MYOM2: variants seen among roughly 807,000 people sequenced by gnomAD.
MYOM2 encodes myomesin-2.
In MYOM2, 254 loss-of-function variants were observed where a neutral mutation model predicts 187.6. That is an observed-to-expected ratio of 1.35 (90% CI 1.22 to 1.50). The LOEUF (loss-of-function observed/expected upper bound fraction) is 1.50, where lower values mean the gene tolerates loss of function less well. Among genes scored for constraint, MYOM2 ranks in the 40% most tolerant of loss-of-function variants. MYOM2 has a pLI of 0.00. For synonymous variants in MYOM2, 981 were observed against 753.8 expected (o/e 1.30, Z -4.94); for missense variants, 2,796 against 1,924.0 (o/e 1.45, Z -8.48).
chr8:2,080,643 A>G (rs1819588799), intron 13 of MYOM2, among the ~76,000 whole-genome samples: 1 of 152,212 alleles, frequency 6.6e-6, no homozygotes, highest in Admixed American at 6.5e-5. Flanking sequence ...TCTCCTGGGC[A>G]TCTGGCTTTT....
chr8:2,119,918 C>A (rs1410405548), intron 28 of MYOM2, among the ~76,000 whole-genome samples: 1 of 151,954 alleles, frequency 6.6e-6, no homozygotes, highest in Non-Finnish European at 1.5e-5. Context: ...GAGCAAGCGG[C>A]AGATCCATCA....
intron 32 of MYOM2, among the ~76,000 whole-genome samples, chr8:2,136,197 G>A (rs116666909): frequency 0.13 from 19,817 of 152,194 alleles, 2,184 homozygotes; most frequent in African/African-American, 0.28. Context: ...GGTTGAAGGT[G>A]GCTGCTGATC....
intron 8 of MYOM2, 80 bp downstream of exon 8, chr8:2,069,577 G>C (rs1467070459): frequency 6.4e-7 from 1 of 1,551,170 alleles, no homozygotes; most frequent in African/African-American, 1.4e-5. Flanking sequence ...GGTTTCCTAA[G>C]GGCCAAATCT....
rs1206576860 is a variant in MYOM2 at position 2,145,000 on chromosome 8, G to T, written c.*19G>T. On this transcript the variant is annotated 3_prime_UTR_variant, in exon 37 of 37. Coordinates refer to ENST00000262113, the MANE Select transcript of MYOM2 (RefSeq NM_003970.4). ...CCAGTGAAGGCGTTTTCCTAGCCTG[G>T]AGATGGGAAAATATGCTTGGCAGAG... The T allele has an allele frequency of 6.2e-7, 1 of 1,609,746 alleles. No individual in the cohort carries two copies.
intron 32 of MYOM2, among the ~76,000 whole-genome samples, chr8:2,140,276 A>G (rs1159297678): frequency 1.3e-5 from 2 of 152,002 alleles, no homozygotes; most frequent in Admixed American, 6.5e-5. Flanking sequence ...TGATCCATTC[A>G]TCACCAATGG....
chr8:2,106,319 G>A lies in MYOM2; in HGVS notation c.2812G>A (p.Ala938Thr), dbSNP rs61733861. The A allele has an allele frequency of 2.1e-4, 338 of 1,614,144 alleles. No individual in the cohort carries two copies. In the African/African-American group the frequency reaches 2.9e-3, roughly 14 times the overall value. The change falls in exon 22 of 37, where the codon GCG becomes ACG. Residue 938 changes from alanine (A) to threonine (T), a missense_variant. Ala to Thr is a moderately conservative substitution (Grantham distance 58, BLOSUM62 0). Transcript: ENST00000262113. ...CTTCGACTGCCAGGAAATGACAGAC[G>A]CGTCTCAGTTCACCTGGTGTAAATC... ...LGFDCQEMTD[A>T]SQFTWCKSYE...
At chr8:2,073,103 C>T (rs995807215) in intron 9 of MYOM2, among the ~76,000 whole-genome samples, 1 of 152,196 alleles carries the variant, frequency 6.6e-6, no homozygotes, top group African/African-American at 2.4e-5. Context: ...GCTCGCAGCA[C>T]GTCCCACTTT....
chr8:2,065,890 C>T (rs900142244), intron 6 of MYOM2, among the ~76,000 whole-genome samples: 9 of 152,298 alleles, frequency 5.9e-5, no homozygotes, highest in African/African-American at 1.2e-4. Flanking sequence ...AGTTTAAAAA[C>T]GGCTAAAACA....
intron 32 of MYOM2, among the ~76,000 whole-genome samples, chr8:2,138,220 C>T (rs1045398650): frequency 3.9e-5 from 6 of 152,186 alleles, no homozygotes; most frequent in Non-Finnish European, 2.9e-5. Context: ...ATGTAAGCGC[C>T]AGCCTGCAGC....
intron 16 of MYOM2, 26 bp downstream of exon 16, chr8:2,092,546 A>G (rs370870297): frequency 6.2e-5 from 100 of 1,610,580 alleles, no homozygotes; most frequent in Non-Finnish European, 6.8e-5. Context: ...CCAGCCCTGG[A>G]GTCAGCCTTG....
Position 2,090,150 on chromosome 8 carries a change from C to T in MYOM2, c.1787C>T (p.Pro596Leu). 1.2e-6 allele frequency: 2 copies of T among 1,614,096 alleles called. No homozygotes were observed. The highest frequency in any genetic ancestry group is 1.3e-5 in the African/African-American group (1 of 75,068). ...LSANRHGLSE[P>L]SEITSPIQAQ... ...GCAAACCGGCATGGCCTGAGCGAAC[C>T]TTCGGAGATAACGTCCCCCATTCAG... Residue 596 changes from proline to leucine, a missense_variant, in exon 15 of 37, where the codon CCT (proline) becomes CTT (leucine). By Grantham distance (98) the Pro-to-Leu change is moderately conservative. Coordinates refer to ENST00000262113, the MANE Select transcript of MYOM2 (RefSeq NM_003970.4).
chr8:2,082,859 G>A (rs529104268), intron 13 of MYOM2, among the ~76,000 whole-genome samples: 97 of 152,172 alleles, frequency 6.4e-4, no homozygotes, highest in African/African-American at 2.2e-3. Context: ...AAATAAACTC[G>A]GTGTTTCATT....
At chr8:2,091,686 C>G (rs181771498) in intron 15 of MYOM2, among the ~76,000 whole-genome samples, 3 of 152,348 alleles carry the variant, frequency 2.0e-5, no homozygotes, top group Admixed American at 1.3e-4. Flanking sequence ...GCTCTTAGAA[C>G]TCATACCCAG....
intron 34 of MYOM2, among the ~76,000 whole-genome samples, chr8:2,141,757 AG>A (rs1338865521): frequency 6.6e-6 from 1 of 152,166 alleles, no homozygotes; most frequent in Non-Finnish European, 1.5e-5. Context: ...TTAGCCCTTA[AG>A]CTGATGTTTT....
At chr8:2,060,219 C>T (rs1818806495) in intron 6 of MYOM2, among the ~76,000 whole-genome samples, 1 of 152,172 alleles carries the variant, frequency 6.6e-6, no homozygotes, top group South Asian at 2.1e-4. Context: ...GTGAACCTGA[C>T]TGCCTGTTTT....
At chr8:2,068,152 G>A (rs1819080399) in intron 6 of MYOM2, among the ~76,000 whole-genome samples, 2 of 150,246 alleles carry the variant, frequency 1.3e-5, no homozygotes, top group African/African-American at 4.9e-5. Context: ...GCATACCGGG[G>A]GGCGGCAGCT....
chr8:2,107,876 C>G (rs555652102), intron 23 of MYOM2, among the ~76,000 whole-genome samples: 2 of 152,144 alleles, frequency 1.3e-5, no homozygotes, highest in Non-Finnish European at 2.9e-5. Context: ...TTAATTTTAA[C>G]TTTTTTAAAT....
intron 10 of MYOM2, among the ~76,000 whole-genome samples, 163 bp downstream of exon 10, chr8:2,073,663 A>T (rs561458858): frequency 1.6e-4 from 24 of 152,332 alleles, no homozygotes; most frequent in Middle Eastern, 3.4e-3. Flanking sequence ...GTGCATGGGC[A>T]CGCCAGGTGC....
At chr8:2,052,103 A>C in intron 2 of MYOM2, 55 bp from the exon 3 acceptor site, 2 of 1,604,206 alleles carry the variant, frequency 1.2e-6, no homozygotes, top group Non-Finnish European at 1.7e-6. Flanking sequence ...TGTCAGGATA[A>C]ATTTCCATAC....
Sources: allele counts gnomAD v4.1 joint callset (sites outside exome capture counted in the v4.1 genomes callset), GRCh38; gene constraint gnomAD v4.1.1; transcripts MANE v1.5; gene names NCBI Gene and HGNC (gene_info 2026-07-23, HGNC 2026-07-21).